FPGS: variants seen among roughly 807,000 people sequenced by gnomAD.
FPGS encodes the protein folylpolyglutamate synthase, also known as folylpolyglutamate synthase, mitochondrial.
A neutral mutation model predicts 66.5 loss-of-function variants in FPGS; 53 were observed. The observed-to-expected ratio is 0.80, with a 90% CI of 0.64 to 1.00. FPGS has a LOEUF of 1.00. Among genes scored for constraint, FPGS ranks in the 50% least tolerant of loss-of-function variants. The probability of loss-of-function intolerance (pLI) is 0.00; values close to 1 mark genes in which losing one functional copy is unlikely to be tolerated. For synonymous variants in FPGS, 348 were observed against 350.9 expected (o/e 0.99, Z 0.09); for missense variants, 702 against 807.7 (o/e 0.87, Z 1.59).
intron 4 of FPGS, 50 bp downstream of exon 4, chr9:127,804,750 G>A (rs1028217424): frequency 1.6e-5 from 25 of 1,595,590 alleles, no homozygotes; most frequent in Non-Finnish European, 2.1e-5. Context: ...GGACCCTGGG[G>A]GGCTATGGAA....
chr9:127,812,541 G>A (rs539296686), intron 14 of FPGS, among the ~76,000 whole-genome samples: 34 of 151,936 alleles, frequency 2.2e-4, no homozygotes, highest in African/African-American at 7.5e-4. Flanking sequence ...TTGCTCTGTC[G>A]CCCAGGCTGG....
chr9:127,813,147 C>T (rs1830154540), intron 14 of FPGS, 48 bp from the exon 15 acceptor site: 1 of 1,519,240 alleles, frequency 6.6e-7, no homozygotes, highest in Non-Finnish European at 8.8e-7. Flanking sequence ...ACCCCTGTCC[C>T]TTACTCCCTC....
chr9:127,803,874 G>T (rs1829706208), intron 1 of FPGS, among the ~76,000 whole-genome samples: 1 of 152,144 alleles, frequency 6.6e-6, no homozygotes, highest in African/African-American at 2.4e-5. Flanking sequence ...TTGGGGTGGA[G>T]CTTCGGGGAA....
rs1372607872 is a variant in FPGS, at chr9:127,804,326, C to G, written c.180C>G (p.Gly60=). ...TCAATACCCTGCAGACCAATGCCGGCTACCTGGAGCAGGTGAAGCGCCAGC... is the reference window on the plus strand; with the variant it reads ...TCAATACCCTGCAGACCAATGCCGGGTACCTGGAGCAGGTGAAGCGCCAGC... ...RMLNTLQTNA[G]YLEQVKRQRG... The change falls in exon 2 of 15, where the codon GGC becomes GGG. Residue 60 remains glycine, a synonymous_variant. Coordinates refer to ENST00000373247, the MANE Select transcript of FPGS (RefSeq NM_004957.6). 6.2e-7 allele frequency: 1 copy of G among 1,614,246 alleles called. No individual in the cohort carries two copies. The highest frequency in any genetic ancestry group is 8.5e-7 in the Non-Finnish European group (1 of 1,180,034).
rs1271252244 is a variant in FPGS at position 127,807,266 on chromosome 9, C to T, written c.559C>T (p.His187Tyr). The T allele has an allele frequency of 4.3e-6, 7 of 1,614,000 alleles. No individual in the cohort carries two copies. The highest frequency in any genetic ancestry group is 1.3e-5 in the African/African-American group (1 of 74,912). ...YFRFLTLMAF[H>Y]VFLQEKVDLA... ...CCGCTTCCTGACACTCATGGCCTTC[C>T]ACGTCTTCCTCCAAGAGAAGGTGTG... The change falls in exon 6 of 15, where the codon CAC becomes TAC. Residue 187 changes from histidine (H) to tyrosine (Y), a missense_variant. His to Tyr is a moderately conservative substitution (Grantham distance 83). Transcript: ENST00000373247. The surrounding 1 kb of genome is among the most constrained non-coding windows in gnomAD (Gnocchi z 5.8).
intron 4 of FPGS, among the ~76,000 whole-genome samples, chr9:127,806,080 CT>C (rs965886995): frequency 7.2e-5 from 11 of 152,108 alleles, no homozygotes; most frequent in Non-Finnish European, 1.3e-4. Context: ...TCTAAAATCA[CT>C]TTTTGGGCCA....
Position 127,804,555 on chromosome 9 carries a change from G to A in FPGS, c.321+3G>A, listed in dbSNP as rs749974747. ...ACGTCACTGGGACGAAGGGGAAGGT[G>A]AGGGGCAGGACCCTGGGGTAGGGGG... On this transcript the variant is annotated splice_donor_region_variant and intron_variant, in intron 3 of 14. Transcript: ENST00000373247. 1 of 1,614,210 alleles carries A rather than the reference G, an allele frequency of 6.2e-7. No individual in the cohort carries two copies. Among genetic ancestry groups the A allele is most frequent in the South Asian group, 1.1e-5 (1 of 91,084 alleles).
chr9:127,810,810 T>C, intron 13 of FPGS, 135 bp from the exon 14 acceptor site: 1 of 550,764 alleles, frequency 1.8e-6, no homozygotes, highest in Non-Finnish European at 3.3e-6. Flanking sequence ...TGAAGTACCT[T>C]GGCTAGGTTT....
chr9:127,809,120 G>A (rs1460684476), intron 11 of FPGS, among the ~76,000 whole-genome samples: 1 of 152,034 alleles, frequency 6.6e-6, no homozygotes, highest in African/African-American at 2.4e-5. Context: ...CCACTGCCAC[G>A]GGCTGTGGTG....
chr9:127,804,613 C>T (rs375762439), intron 3 of FPGS, 23 bp from the exon 4 acceptor site: 122 of 1,613,930 alleles, frequency 7.6e-5, no homozygotes, highest in Non-Finnish European at 7.7e-5. Context: ...AGAGCCTGCC[C>T]AGACAATCCC....
Position 127,802,897 on chromosome 9 carries a change from C to T in FPGS, c.-28C>T. 7.4e-7 allele frequency: 1 copy of T among 1,345,388 alleles called. No homozygotes were observed. Among genetic ancestry groups the T allele is most frequent in the Non-Finnish European group, 9.5e-7 (1 of 1,054,716 alleles). The allele number at this position is 1,345,388 out of a possible 1,614,324, so 83.3% of individuals were successfully genotyped here. A position where few individuals can be genotyped will look rare whatever the true frequency, so the allele number is the denominator to read the frequency against. On this transcript the variant is annotated 5_prime_UTR_variant, in exon 1 of 15. Transcript: ENST00000373247. ...GGGGCGGGGCGTCTCCCGCCCGGGC[C>T]TAGAGCGCTGCCGGGGGCGCCGGGA...
In FPGS at chr9:127,804,270, C is replaced by T. The variant is rs373210238; in HGVS notation, c.139-15C>T. ...AGTGAGCCTTAACCTACTATCTGGG[C>T]ACTGTGGTTGCCAGGATGCCGTGCG... On this transcript the variant is annotated splice_polypyrimidine_tract_variant and intron_variant, in intron 1 of 14. Transcript: ENST00000373247. 9 of 1,612,554 alleles carry T rather than the reference C, an allele frequency of 5.6e-6. No individual in the cohort carries two copies. Among genetic ancestry groups the T allele is most frequent in the Admixed American group, 1.7e-5 (1 of 59,892 alleles).
rs1191709869 is a variant in FPGS, at chr9:127,809,818, C to G, written c.1195C>G (p.Arg399Gly). ...CTGGTTCCGCCAGGCGCTGCAGGGC[C>G]GCGAGAGGCCGAGCGGGTGAGGGGC... ...VRWFRQALQG[R>G]ERPSGGPEVR... is the part of the protein sequence containing the mutation. The change falls in exon 12 of 15, where the codon CGC (arginine) becomes GGC (glycine). Residue 399 changes from arginine to glycine, a missense_variant. Arg to Gly is a moderately radical substitution (Grantham distance 125). Around this residue, in one of 3 missense-constraint regions of FPGS, gnomAD observed 351 missense variants for 363.7 expected, o/e 0.97. Transcript: ENST00000373247. 4 of 1,413,990 alleles carry G rather than the reference C, an allele frequency of 2.8e-6. No homozygotes were observed. Among genetic ancestry groups the G allele is most frequent in the East Asian group, 5.5e-5 (2 of 36,306 alleles). The allele number at this position is 1,413,990 out of a possible 1,614,324, so 87.6% of individuals were successfully genotyped here. A position where few individuals can be genotyped will look rare whatever the true frequency, so the allele number is the denominator to read the frequency against.
At chr9:127,808,408 T>C in intron 9 of FPGS, 97 bp downstream of exon 9, 1 of 1,486,870 alleles carries the variant, frequency 6.7e-7, no homozygotes, top group African/African-American at 1.4e-5. Context: ...TGCCCATCTG[T>C]GCAGTGAGGA....
Position 127,807,600 on chromosome 9 carries a change from G to A in FPGS, c.656G>A (p.Cys219Tyr). ...CTNIIRKPVV[C>Y]GVSSLGIDHT... ...CTCCCCTGCAGGAAGCCTGTGGTGT[G>A]CGGAGTCTCCTCTCTTGGCATCGAC... Residue 219 changes from cysteine to tyrosine, a missense_variant, in exon 8 of 15, where the codon TGC (cysteine) becomes TAC (tyrosine). Cys to Tyr is a radical substitution (Grantham distance 194). This residue lies in a region of FPGS where 240 missense variants were observed against 348.6 expected (regional missense o/e 0.69). Coordinates refer to ENST00000373247, the MANE Select transcript of FPGS (RefSeq NM_004957.6). This position sits in a 1 kb window ranked among gnomAD's most constrained non-coding sequence, Gnocchi z 5.8. 1.2e-6 allele frequency: 2 copies of A among 1,613,098 alleles called. No homozygotes were observed. The highest frequency in any genetic ancestry group is 1.7e-6 in the Non-Finnish European group (2 of 1,179,654).
Position 127,814,060 on chromosome 9 carries a change from A to C in FPGS, c.*456A>C. 1 of 992,480 alleles carries C rather than the reference A, an allele frequency of 1.0e-6. No homozygotes were observed. The highest frequency in any genetic ancestry group is 4.7e-5 in the South Asian group (1 of 21,366). 61.5% of individuals were successfully genotyped at this position (992,480 alleles called of 1,614,324 possible). A position where few individuals can be genotyped will look rare whatever the true frequency, so the allele number is the denominator to read the frequency against. Reference sequence around the variant, plus strand: ...GAATTAAAGCCTTTGTTTTTTAAAGAAATGGCAAAGCCTTCGACTGACCCT... The same window carrying C: ...GAATTAAAGCCTTTGTTTTTTAAAGCAATGGCAAAGCCTTCGACTGACCCT... On this transcript the variant is annotated 3_prime_UTR_variant, in exon 15 of 15. Transcript: ENST00000373247.
At chr9:127,808,943 CAG>C in intron 11 of FPGS, 54 bp downstream of exon 11, 46 of 941,812 alleles carry the variant, frequency 4.9e-5, no homozygotes, top group South Asian at 6.8e-5. Context: ...TGTGCCCCTT[CAG>C]ATTTTTTTTT....
In FPGS at chr9:127,808,328, T is replaced by C. The variant is rs759825513; in HGVS notation, c.822+17T>C. On this transcript the variant is annotated intron_variant, in intron 9 of 14. Transcript: ENST00000373247. ...CAGATCTCAGTAAGTCTGATTGGAATGGGGCAGCGGCAGGGTGGGTTTGTG... is the reference window on the plus strand; with the variant it reads ...CAGATCTCAGTAAGTCTGATTGGAACGGGGCAGCGGCAGGGTGGGTTTGTG... 9 of 1,608,644 alleles carry C rather than the reference T, an allele frequency of 5.6e-6. No individual in the cohort carries two copies. In the Admixed American group the frequency reaches 1.3e-4, roughly 24 times the overall value.
At chr9:127,812,979 G>T (rs1830142561) in intron 14 of FPGS, among the ~76,000 whole-genome samples, 1 of 152,206 alleles carries the variant, frequency 6.6e-6, no homozygotes, top group African/African-American at 2.4e-5. Flanking sequence ...AGACTGTCTG[G>T]CTCTGCCTCT....
Sources: allele counts gnomAD v4.1 joint callset (sites outside exome capture counted in the v4.1 genomes callset), GRCh38; gene constraint gnomAD v4.1.1; regional missense constraint gnomAD v4.1.1; non-coding constraint Gnocchi (gnomAD v3.1); transcripts MANE v1.5; gene names NCBI Gene and HGNC (gene_info 2026-07-23, HGNC 2026-07-21).